The following CARMIL3 variants were observed in gnomAD, a reference collection of about 807,000 sequenced individuals.
CARMIL3 encodes the protein capping protein regulator and myosin 1 linker 3, also known as capping protein, Arp2/3 and myosin-I linker protein 3.
Under a neutral mutation model 180.8 loss-of-function variants are expected in CARMIL3, and 88 were observed. That is an observed-to-expected ratio of 0.49 (90% confidence interval 0.41 to 0.58). The LOEUF (loss-of-function observed/expected upper bound fraction) is 0.58. Ranked by LOEUF, CARMIL3 falls within the 20% of genes least tolerant of loss-of-function variation. The pLI, the probability that CARMIL3 is intolerant of heterozygous loss-of-function variation, is 0.00. For missense variants in CARMIL3, 1,548 were observed against 1,787.0 expected (o/e 0.87, Z 2.41); for synonymous variants, 696 against 714.5 (o/e 0.97, Z 0.41).
rs747520912 is a variant in CARMIL3 at position 24,062,855 on chromosome 14, C to A, written c.2706+9C>A. The A allele has an allele frequency of 1.9e-6, 3 of 1,597,832 alleles. No homozygotes were observed. The highest frequency in any genetic ancestry group is 2.6e-6 in the Non-Finnish European group (3 of 1,172,820). On this transcript the variant is annotated intron_variant, in intron 29 of 39. Coordinates refer to ENST00000342740, the MANE Select transcript of CARMIL3 (RefSeq NM_138360.4). ...AACTTGGGACCAACATTGTGAGCCC[C>A]CCGCTCCCTGCTCCTCCTTAATAAC...
rs376183678 is a variant in CARMIL3, at chr14:24,057,977, C to T, written c.1235C>T (p.Pro412Leu). The T allele has an allele frequency of 1.2e-5, 19 of 1,613,516 alleles. No individual in the cohort carries two copies. Among genetic ancestry groups the T allele is most frequent in the East Asian group, 4.5e-5 (2 of 44,892 alleles). ...SCSHRKGREA[P>L]PAFKQFFSSA... ...CTCCACAGGAAGGGTCGAGAGGCCC[C>T]GCCGGCCTTCAAGCAGTTCTTCAGC... The change falls in exon 16 of 40, where the codon CCG (proline) becomes CTG (leucine). Residue 412 changes from proline (P) to leucine (L), a missense_variant. Physicochemically the swap from Pro to Leu is moderately conservative, Grantham distance 98 (BLOSUM62 -3). Transcript: ENST00000342740.
chr14:24,060,508 C>T, intron 24 of CARMIL3, 120 bp from the exon 25 acceptor site: 1 of 1,452,224 alleles, frequency 6.9e-7, no homozygotes, highest in South Asian at 1.3e-5. Flanking sequence ...GGGACCAGGC[C>T]AGCCAGAGAC....
rs1373996075 is a variant in CARMIL3 at position 24,052,159 on chromosome 14, C to A, written c.6C>A (p.Ala2=). The A allele has an allele frequency of 1.3e-6, 2 of 1,588,482 alleles. No individual in the cohort carries two copies. Among genetic ancestry groups the A allele is most frequent in the Admixed American group, 1.7e-5 (1 of 58,710 alleles). Residue 2 remains alanine, a synonymous_variant, in exon 1 of 40, where the codon GCC becomes GCA. Coordinates refer to ENST00000342740, the MANE Select transcript of CARMIL3 (RefSeq NM_138360.4). M[A]KPSVELTREL... ...CCTCAGCAGCAGCGGCCGCCATGGC[C>A]AAGCCCAGCGTGGAGCTCACCCGCG...
At chr14:24,066,764 G>A in intron 36 of CARMIL3, 108 bp downstream of exon 36, 2 of 1,128,676 alleles carry the variant, frequency 1.8e-6, no homozygotes, top group Non-Finnish European at 2.6e-6. Flanking sequence ...AGGTGGGGCA[G>A]TGAGAAGTCA....
Position 24,069,649 on chromosome 14 carries a change from T to TC in CARMIL3, c.*250dup. 1.8e-6 allele frequency: 1 copy of TC among 559,494 alleles called. No individual in the cohort carries two copies. Among genetic ancestry groups the TC allele is most frequent in the Non-Finnish European group, 3.2e-6 (1 of 313,724 alleles). 34.7% of individuals were successfully genotyped at this position (559,494 alleles called of 1,614,324 possible). A position where few individuals can be genotyped will look rare whatever the true frequency, so the allele number is the denominator to read the frequency against. On this transcript the variant is annotated 3_prime_UTR_variant, in exon 40 of 40. Coordinates refer to ENST00000342740, the MANE Select transcript of CARMIL3 (RefSeq NM_138360.4). ...AGCTTCTGGGTGGGGGCTTATCTCC[T>TC]CCCCCAGGAGGGTGGATCTCTGTCC...
chr14:24,056,561 T>C (rs1479307872), intron 11 of CARMIL3, 61 bp from the exon 12 acceptor site: 2 of 1,569,820 alleles, frequency 1.3e-6, no homozygotes, highest in Admixed American at 1.7e-5. Context: ...AACCTGACTC[T>C]GTGCCACCTG....
At chr14:24,065,392 G>C (rs1029763291) in intron 33 of CARMIL3, 119 bp downstream of exon 33, 1 of 1,142,008 alleles carries the variant, frequency 8.8e-7, no homozygotes, top group Admixed American at 3.1e-5. Context: ...TGGGAACATT[G>C]GTCATTTCAA....
At position 24,066,701 on chromosome 14, in the gene CARMIL3, T is replaced by G. The variant is rs774807579; in HGVS notation, c.3682+45T>G. ...AGGCAGCAGTACTGAAAGCCCAGGGTGTGTCCAAAGAAACAGAAGCCCATG... is the reference window on the plus strand; with the variant it reads ...AGGCAGCAGTACTGAAAGCCCAGGGGGTGTCCAAAGAAACAGAAGCCCATG... On this transcript the variant is annotated intron_variant, in intron 36 of 39. Coordinates refer to ENST00000342740, the MANE Select transcript of CARMIL3 (RefSeq NM_138360.4). 6 of 1,597,022 alleles carry G rather than the reference T, an allele frequency of 3.8e-6. No individual in the cohort carries two copies. In the South Asian group the frequency reaches 5.6e-5, roughly 15 times the overall value.
intron 1 of CARMIL3, 82 bp downstream of exon 1, chr14:24,052,275 G>C (rs2035624577): frequency 1.4e-6 from 2 of 1,404,288 alleles, no homozygotes; most frequent in African/African-American, 2.9e-5. Flanking sequence ...GTGCATCCCA[G>C]CCCGGTGTCT....
chr14:24,062,411 G>A (rs2035741139), intron 27 of CARMIL3, 69 bp from the exon 28 acceptor site: 1 of 1,364,810 alleles, frequency 7.3e-7, no homozygotes, highest in Non-Finnish European at 1.0e-6. Context: ...TCTGGGAGAG[G>A]GAGTGCCTCA....
Position 24,058,479 on chromosome 14 carries a change from C to G in CARMIL3, c.1393-201C>G, listed in dbSNP as rs2035697525. Among the ~76,000 whole-genome samples the G allele has an allele frequency of 6.6e-6, 1 of 152,158 alleles. No homozygotes were observed. Among genetic ancestry groups the G allele is most frequent in the African/African-American group, 2.4e-5 (1 of 41,434 alleles). On this transcript the variant is annotated intron_variant, in intron 17 of 39. Coordinates refer to ENST00000342740, the MANE Select transcript of CARMIL3 (RefSeq NM_138360.4). The surrounding 1 kb of genome is among the most constrained non-coding windows in gnomAD (Gnocchi z 6.4). ...CCACCAGAGGGCAGGAGCAAGCTGT[C>G]TTAGGAATAGCAGCCTTCCTGGCCG...
chr14:24,069,633 G>T lies in CARMIL3; in HGVS notation c.*229G>T. ...ACCTCTCTCTGCAGAGAGCTTCTGG[G>T]TGGGGGCTTATCTCCTCCCCCAGGA... On this transcript the variant is annotated 3_prime_UTR_variant, in exon 40 of 40. Transcript: ENST00000342740. The T allele has an allele frequency of 1.7e-6, 1 of 589,296 alleles. No homozygotes were observed. Among genetic ancestry groups the T allele is most frequent in the Non-Finnish European group, 3.0e-6 (1 of 331,878 alleles). 36.5% of individuals were successfully genotyped at this position (589,296 alleles called of 1,614,324 possible). A position where few individuals can be genotyped will look rare whatever the true frequency, so the allele number is the denominator to read the frequency against.
chr14:24,065,199 T>G lies in CARMIL3; in HGVS notation c.3322T>G (p.Trp1108Gly). 6.6e-7 allele frequency: 1 copy of G among 1,509,448 alleles called. No individual in the cohort carries two copies. Among genetic ancestry groups the G allele is most frequent in the Non-Finnish European group, 8.8e-7 (1 of 1,132,202 alleles). The allele number at this position is 1,509,448 out of a possible 1,614,324, so 93.5% of individuals were successfully genotyped here. Residue 1108 changes from tryptophan (W) to glycine (G), a missense_variant, in exon 33 of 40, where the codon TGG becomes GGG. This residue lies in a region of CARMIL3 where 668 missense variants were observed against 687.8 expected (regional missense o/e 0.97). Coordinates refer to ENST00000342740, the MANE Select transcript of CARMIL3 (RefSeq NM_138360.4). ...PSLGNNSSPC[W>G]SPEEESSLLP... The stretch of plus-strand genomic sequence containing the variant: ...CCTCGGCAATAACTCCTCTCCCTGC[T>G]GGAGCCCAGAGGAGGAGAGCAGCCT...
chr14:24,061,491 T>C lies in CARMIL3; in HGVS notation c.2305-6T>C, dbSNP rs1190597095. ...GGGCCTCTGGCCTCCCTTTCCCCCA[T>C]ACTAGGTGATCCTGGAGTCCATGGT... On this transcript the variant is annotated splice_region_variant and splice_polypyrimidine_tract_variant and intron_variant, in intron 26 of 39. Coordinates refer to ENST00000342740, the MANE Select transcript of CARMIL3 (RefSeq NM_138360.4). This position sits in a 1 kb window ranked among gnomAD's most constrained non-coding sequence, Gnocchi z 4.1. The C allele has an allele frequency of 1.2e-6, 2 of 1,611,140 alleles. No homozygotes were observed. Among genetic ancestry groups the C allele is most frequent in the East Asian group, 2.2e-5 (1 of 44,852 alleles).
In CARMIL3 at chr14:24,068,707, G is replaced by C; in HGVS notation, c.3801+5G>C. 6.2e-7 allele frequency: 1 copy of C among 1,613,440 alleles called. No individual in the cohort carries two copies. The highest frequency in any genetic ancestry group is 8.5e-7 in the Non-Finnish European group (1 of 1,179,624). ...CTTCCAGCTAGGAATGCCAAGGTGAGAGCTGGCAAGATGGGTGGGGGAGGC... is the reference window on the plus strand; with the variant it reads ...CTTCCAGCTAGGAATGCCAAGGTGACAGCTGGCAAGATGGGTGGGGGAGGC... On this transcript the variant is annotated splice_donor_5th_base_variant and intron_variant, in intron 37 of 39. Transcript: ENST00000342740.
rs559422795 is a variant in CARMIL3, at chr14:24,062,823, G to A, written c.2683G>A (p.Asp895Asn). Residue 895 changes from aspartate to asparagine, a missense_variant, in exon 29 of 40, where the codon GAT becomes AAT. Asp to Asn is a conservative substitution (Grantham distance 23). This residue lies in a region of CARMIL3 where 668 missense variants were observed against 687.8 expected (regional missense o/e 0.97). Transcript: ENST00000342740. ...GAACCATGACCATGAGGAGACCACA[G>A]ATGATGAACTTGGGACCAACATTGT... ...GRNHDHEETT[D>N]DELGTNIDTM... The A allele has an allele frequency of 3.0e-5, 48 of 1,611,330 alleles. No homozygotes were observed. The highest frequency in any genetic ancestry group is 3.9e-5 in the Non-Finnish European group (46 of 1,178,894).
At chr14:24,057,107 C>G (rs1427249475) in intron 13 of CARMIL3, 60 bp from the exon 14 acceptor site, 1 of 1,594,686 alleles carries the variant, frequency 6.3e-7, no homozygotes, top group Non-Finnish European at 8.6e-7. Flanking sequence ...CCCATGGCCT[C>G]TGGGGGTGGC....
Position 24,065,761 on chromosome 14 carries a change from C to G in CARMIL3, c.3525+11C>G. ...GATGGGAAACGAGAGGTGAGTGGAG[C>G]CTGGGACAACAAACTGTGGGTCCTG... is the stretch of plus-strand genomic sequence containing the variant. On this transcript the variant is annotated intron_variant, in intron 34 of 39. Coordinates refer to ENST00000342740, the MANE Select transcript of CARMIL3 (RefSeq NM_138360.4). 1 of 1,613,260 alleles carries G rather than the reference C, an allele frequency of 6.2e-7. No homozygotes were observed. The highest frequency in any genetic ancestry group is 8.5e-7 in the Non-Finnish European group (1 of 1,179,528).
At chr14:24,057,580 C>T (rs1566539517) in intron 14 of CARMIL3, among the ~76,000 whole-genome samples, 1 of 152,174 alleles carries the variant, frequency 6.6e-6, no homozygotes, top group Non-Finnish European at 1.5e-5. Flanking sequence ...TGCCTGTGAG[C>T]AGCTTCATGC....
Sources: allele counts gnomAD v4.1 joint callset (sites outside exome capture counted in the v4.1 genomes callset), GRCh38; gene constraint gnomAD v4.1.1; regional missense constraint gnomAD v4.1.1; non-coding constraint Gnocchi (gnomAD v3.1); transcripts MANE v1.5; gene names NCBI Gene and HGNC (gene_info 2026-07-23, HGNC 2026-07-21).